STRBP: variants seen among roughly 807,000 people sequenced by gnomAD.
The protein encoded by STRBP is spermatid perinuclear RNA-binding protein.
In STRBP, 13 loss-of-function variants were observed where a neutral mutation model predicts 80.1. That is an observed-to-expected ratio of 0.16 (90% confidence interval 0.11 to 0.26). The LOEUF (loss-of-function observed/expected upper bound fraction) is 0.26. Ranked by LOEUF, STRBP falls within the 10% of genes least tolerant of loss-of-function variation. The pLI, the probability that STRBP is intolerant of heterozygous loss-of-function variation, is 1.00. For missense variants in STRBP, 485 were observed against 815.2 expected (o/e 0.59, Z 4.93); for synonymous variants, 284 against 291.2 (o/e 0.98, Z 0.25).
At chr9:123,262,190 G>C (rs1169935198) in intron 1 of STRBP, among the ~76,000 whole-genome samples, 1 of 152,104 alleles carries the variant, frequency 6.6e-6, no homozygotes, top group Non-Finnish European at 1.5e-5. Context: ...TCTTAGGTCT[G>C]GTACAAAACA....
intron 3 of STRBP, chr9:123,111,553 G>A (rs755418775): frequency 1.1e-5 from 5 of 467,722 alleles, no homozygotes; most frequent in Middle Eastern, 6.8e-4. Flanking sequence ...CAGGGGCAGG[G>A]CTGGCCTGAG....
At chr9:123,195,278 A>T (rs1466738194) in intron 2 of STRBP, among the ~76,000 whole-genome samples, 2 of 152,118 alleles carry the variant, frequency 1.3e-5, no homozygotes, top group Non-Finnish European at 2.9e-5. Flanking sequence ...CTCACATCTG[A>T]TCCATCATTA....
At chr9:123,237,854 A>C (rs1256294303) in intron 1 of STRBP, among the ~76,000 whole-genome samples, 1 of 152,224 alleles carries the variant, frequency 6.6e-6, no homozygotes. Context: ...CATAAAAAGT[A>C]AAGTTCTCAA....
chr9:123,234,104 G>C (rs1356364461), intron 2 of STRBP, among the ~76,000 whole-genome samples: 1 of 151,624 alleles, frequency 6.6e-6, no homozygotes, highest in African/African-American at 2.4e-5. Flanking sequence ...AGGAGGCTGA[G>C]GCAGGAGAAT....
At position 123,130,729 on chromosome 9, in the gene STRBP, T is replaced by C. The variant is rs1288739856; in HGVS notation, c.1897+2116A>G. Among the ~76,000 whole-genome samples the C allele has an allele frequency of 2.0e-5, 3 of 152,328 alleles. No homozygotes were observed. The East Asian group carries it at 5.8e-4, about 29-fold the overall frequency. ...CTGTCTTAATTTTAGACTCATAAAC[T>C]ATGTCACACCATAAGAAATTCATAA... On this transcript the variant is annotated intron_variant, in intron 17 of 18. Transcript: ENST00000348403.
chr9:123,186,827 A>T (rs116945310), intron 2 of STRBP, among the ~76,000 whole-genome samples: 79,133 of 122,744 alleles, frequency 0.64, 25,963 homozygotes, highest in Non-Finnish European at 0.79. Flanking sequence ...TCTTTTTTTA[A>T]AAAAAAAAAA....
Position 123,222,569 on chromosome 9 carries a change from G to A in STRBP, c.-165+14261C>T, listed in dbSNP as rs183291417. On this transcript the variant is annotated intron_variant, in intron 2 of 18. Coordinates refer to ENST00000348403, the MANE Select transcript of STRBP (RefSeq NM_018387.5). The stretch of plus-strand genomic sequence containing the variant: ...AAAGAGGAGCCACCTATACTAAACT[G>A]TTGGGAATTAAAAAGATAATCAAGG... Among the ~76,000 whole-genome samples, 71 of 152,248 alleles carry A rather than the reference G, an allele frequency of 4.7e-4. 1 individual carries two copies. Among genetic ancestry groups the A allele is most frequent in the African/African-American group, 1.7e-3 (70 of 41,522 alleles).
chr9:123,132,818 G>A (rs1293080098), intron 17 of STRBP, 27 bp downstream of exon 17: 1 of 1,612,068 alleles, frequency 6.2e-7, no homozygotes, highest in East Asian at 2.2e-5. Context: ...AGTAAAGGGG[G>A]CCAATCTCTT....
At chr9:123,232,353 G>A (rs1466776387) in intron 2 of STRBP, among the ~76,000 whole-genome samples, 4 of 152,088 alleles carry the variant, frequency 2.6e-5, no homozygotes, top group African/African-American at 7.2e-5. Context: ...AATTTCTCCA[G>A]GAAGCTGACC....
rs201645621 is a variant in STRBP at position 123,169,891 on chromosome 9, T to TATAC, written c.535+10_535+11insGTAT. The TATAC allele has an allele frequency of 6.6e-3, 9,384 of 1,414,692 alleles. 40 individuals are homozygous for TATAC. Among genetic ancestry groups the TATAC allele is most frequent in the Non-Finnish European group, 7.9e-3 (8,466 of 1,068,748 alleles). 87.6% of individuals were successfully genotyped at this position (1,414,692 alleles called of 1,614,324 possible). A position where few individuals can be genotyped will look rare whatever the true frequency, so the allele number is the denominator to read the frequency against. ...ATATATACATATATATATATATATA[T>TATAC]ACATGTGTACCTCCATCCTTCTTCT... is the stretch of plus-strand genomic sequence containing the variant. On this transcript the variant is annotated intron_variant, in intron 6 of 18. Transcript: ENST00000348403.
intron 17 of STRBP, among the ~76,000 whole-genome samples, chr9:123,131,236 C>T (rs148643878): frequency 2.0e-5 from 3 of 152,194 alleles, no homozygotes; most frequent in Non-Finnish European, 4.4e-5. Flanking sequence ...GAAAGACTAA[C>T]CTTCACAAAT....
At chr9:123,202,179 C>T (rs1285913188) in intron 2 of STRBP, among the ~76,000 whole-genome samples, 1 of 152,152 alleles carries the variant, frequency 6.6e-6, no homozygotes, top group Non-Finnish European at 1.5e-5. Flanking sequence ...TTCTGCCATT[C>T]TGTATGTTAG....
At chr9:123,164,047 TTTTG>T (rs2037643739) in intron 6 of STRBP, among the ~76,000 whole-genome samples, 1 of 147,646 alleles carries the variant, frequency 6.8e-6, no homozygotes, top group South Asian at 2.4e-4. Context: ...CTTGTTTTTG[TTTTG>T]TTTTTTGTTT....
intron 2 of STRBP, among the ~76,000 whole-genome samples, chr9:123,201,138 A>G (rs2039311357): frequency 6.6e-6 from 1 of 151,968 alleles, no homozygotes; most frequent in Admixed American, 6.5e-5. Flanking sequence ...TGATTAATCT[A>G]GCTCATGGTC....
At chr9:123,179,279 A>C in intron 3 of STRBP, 52 bp from the exon 4 acceptor site, 1 of 1,478,762 alleles carries the variant, frequency 6.8e-7, no homozygotes, top group East Asian at 2.3e-5. Context: ...ACATCACCTG[A>C]AAAAGATGAT....
intron 2 of STRBP, among the ~76,000 whole-genome samples, chr9:123,116,435 C>T (rs1398160060): frequency 6.6e-6 from 1 of 152,144 alleles, no homozygotes; most frequent in Non-Finnish European, 1.5e-5. Flanking sequence ...GAAATTAACC[C>T]CAACTGTGTA....
At chr9:123,152,308 T>C (rs1390503220) in intron 11 of STRBP, among the ~76,000 whole-genome samples, 6 of 152,078 alleles carry the variant, frequency 3.9e-5, no homozygotes, top group East Asian at 1.9e-4. Flanking sequence ...CAGCATAACA[T>C]TGAAGCCGAA....
chr9:123,151,103 C>T (rs957470104), intron 11 of STRBP, among the ~76,000 whole-genome samples: 2 of 152,136 alleles, frequency 1.3e-5, no homozygotes, highest in African/African-American at 4.8e-5. Context: ...AGAGAAATCA[C>T]ACACAATAGA....
At chr9:123,219,586 G>A (rs1426164388) in intron 2 of STRBP, among the ~76,000 whole-genome samples, 1 of 152,208 alleles carries the variant, frequency 6.6e-6, no homozygotes. Context: ...TCATAGCAAA[G>A]TTATACATAT....
Sources: gnomAD v4.1 joint callset for allele counts (sites outside exome capture counted in the v4.1 genomes callset) on GRCh38, gnomAD v4.1.1 for gene constraint, MANE v1.5 for transcripts, NCBI Gene and HGNC (gene_info 2026-07-23, HGNC 2026-07-21) for gene names.